The following USP43 variants were observed in gnomAD, a reference collection of about 807,000 sequenced individuals.
The protein encoded by USP43 is ubiquitin specific peptidase 43.
Under a neutral mutation model 90.7 loss-of-function variants are expected in USP43, and 33 were observed. The observed-to-expected ratio is 0.36, with a 90% CI of 0.28 to 0.49. USP43 has a LOEUF of 0.49. Among genes scored for constraint, USP43 ranks in the 20% least tolerant of loss-of-function variants. The pLI, the probability that USP43 is intolerant of heterozygous loss-of-function variation, is 0.98. For synonymous variants in USP43, 598 were observed against 615.8 expected (o/e 0.97, Z 0.43); for missense variants, 1,274 against 1,476.4 (o/e 0.86, Z 2.25).
chr17:9,645,566 G>A lies in USP43; in HGVS notation c.-67G>A. 2 of 1,162,846 alleles carry A rather than the reference G, an allele frequency of 1.7e-6. No homozygotes were observed. Among genetic ancestry groups the A allele is most frequent in the Non-Finnish European group, 2.1e-6 (2 of 943,776 alleles). The allele number at this position is 1,162,846 out of a possible 1,614,324, so 72.0% of individuals were successfully genotyped here. A position where few individuals can be genotyped will look rare whatever the true frequency, so the allele number is the denominator to read the frequency against. On this transcript the variant is annotated 5_prime_UTR_variant, in exon 1 of 15. Transcript: ENST00000285199. The surrounding 1 kb of genome is among the most constrained non-coding windows in gnomAD (Gnocchi z 6.8). Reference sequence around the variant, plus strand: ...ACCAGGAGCCTTAGAGAAGCTGTAGGGCCTGCTGGCCGCTCGTCCGCCTCG... The same window carrying A: ...ACCAGGAGCCTTAGAGAAGCTGTAGAGCCTGCTGGCCGCTCGTCCGCCTCG...
intron 1 of USP43, among the ~76,000 whole-genome samples, chr17:9,655,979 A>C (rs2151963544): frequency 6.6e-6 from 1 of 152,316 alleles, no homozygotes; most frequent in South Asian, 2.1e-4. Context: ...TAGGGCTAGA[A>C]GGCTGTTCAC....
Position 9,689,863 on chromosome 17 carries a change from G to A in USP43, c.1353+2954G>A, listed in dbSNP as rs187086610. ...CAAACAACAAGGCTCCATTAGGGGC[G>A]GAGGAAAAAGAGTCTTCTCCCCCAG... On this transcript the variant is annotated intron_variant, in intron 8 of 14. Transcript: ENST00000285199. 6.2e-4 allele frequency among the ~76,000 whole-genome samples: 94 copies of A among 152,180 alleles called. 1 individual carries two copies. Among genetic ancestry groups the A allele is most frequent in the African/African-American group, 2.0e-3 (82 of 41,514 alleles).
intron 9 of USP43, among the ~76,000 whole-genome samples, chr17:9,696,571 A>G (rs1292359519): frequency 6.6e-6 from 1 of 152,234 alleles, no homozygotes; most frequent in African/African-American, 2.4e-5. Flanking sequence ...GACACTGGTA[A>G]CTAAACACTT....
At chr17:9,652,018 G>A (rs1277644628) in intron 1 of USP43, among the ~76,000 whole-genome samples, 1 of 151,986 alleles carries the variant, frequency 6.6e-6, no homozygotes, top group African/African-American at 2.4e-5. Flanking sequence ...AATAAGAAAT[G>A]TTAAAAATTA....
At position 9,680,244 on chromosome 17, in the gene USP43, A is replaced by C; in HGVS notation, c.983A>C (p.Glu328Ala). The change falls in exon 6 of 15, where the codon GAA becomes GCA. Residue 328 changes from glutamate (E) to alanine (A), a missense_variant. By Grantham distance (107) the Glu-to-Ala change is moderately radical. This residue lies in a region of USP43 where 259 missense variants were observed against 373.7 expected (regional missense o/e 0.69). Transcript: ENST00000285199. Reference sequence around the variant, plus strand: ...TTCTCATTTCAGGTGATCTTGGTTGAACTGTATCCCAGTGGATTCCAGCGG... The same window carrying C: ...TTCTCATTTCAGGTGATCTTGGTTGCACTGTATCCCAGTGGATTCCAGCGG... Reference protein sequence around the residue: ...GVPADEVILVELYPSGFQRSF... With the variant: ...GVPADEVILVALYPSGFQRSF... The C allele has an allele frequency of 6.2e-7, 1 of 1,613,720 alleles. No individual in the cohort carries two copies. The highest frequency in any genetic ancestry group is 8.5e-7 in the Non-Finnish European group (1 of 1,179,756).
intron 14 of USP43, among the ~76,000 whole-genome samples, chr17:9,720,696 C>T (rs1226367080): frequency 6.6e-6 from 1 of 152,152 alleles, no homozygotes; most frequent in Non-Finnish European, 1.5e-5. Flanking sequence ...CTGTGTTGGT[C>T]AGGCTGGTCT....
chr17:9,645,559 G>T lies in USP43; in HGVS notation c.-74G>T. ...AGCCGGCACCAGGAGCCTTAGAGAA[G>T]CTGTAGGGCCTGCTGGCCGCTCGTC... On this transcript the variant is annotated 5_prime_UTR_variant, in exon 1 of 15. Coordinates refer to ENST00000285199, the MANE Select transcript of USP43 (RefSeq NM_153210.5). The surrounding 1 kb of genome is among the most constrained non-coding windows in gnomAD (Gnocchi z 6.8). The T allele has an allele frequency of 8.7e-7, 1 of 1,155,394 alleles. No individual in the cohort carries two copies. Among genetic ancestry groups the T allele is most frequent in the African/African-American group, 1.6e-5 (1 of 61,738 alleles). 71.6% of individuals were successfully genotyped at this position (1,155,394 alleles called of 1,614,324 possible). A position where few individuals can be genotyped will look rare whatever the true frequency, so the allele number is the denominator to read the frequency against.
intron 9 of USP43, among the ~76,000 whole-genome samples, chr17:9,695,089 G>A (rs530050071): frequency 7.9e-5 from 12 of 151,856 alleles, no homozygotes; most frequent in East Asian, 1.9e-4. Context: ...CTCCTGGCCC[G>A]CACCTTCCAT....
intron 14 of USP43, among the ~76,000 whole-genome samples, chr17:9,720,788 G>A (rs533510003): frequency 3.3e-5 from 5 of 152,054 alleles, no homozygotes; most frequent in East Asian, 1.9e-4. Context: ...ACGCCCAGCC[G>A]GGTTTTTTTG....
chr17:9,667,615 G>C (rs114490420), intron 3 of USP43, among the ~76,000 whole-genome samples: 8 of 152,156 alleles, frequency 5.3e-5, no homozygotes, highest in Non-Finnish European at 8.8e-5. Flanking sequence ...TGTGCCTTTT[G>C]TTGGCCTCTG....
At chr17:9,699,868 G>A (rs1309215461) in intron 9 of USP43, among the ~76,000 whole-genome samples, 1 of 152,186 alleles carries the variant, frequency 6.6e-6, no homozygotes, top group African/African-American at 2.4e-5. Context: ...TATAGACATT[G>A]AGAAGGTAGC....
chr17:9,646,725 G>A (rs1880267474), intron 1 of USP43, among the ~76,000 whole-genome samples: 1 of 152,192 alleles, frequency 6.6e-6, no homozygotes, highest in African/African-American at 2.4e-5. Flanking sequence ...GACCTAGGAG[G>A]CAACGGTAAA....
At chr17:9,687,497 G>C (rs1461058040) in intron 8 of USP43, among the ~76,000 whole-genome samples, 2 of 152,158 alleles carry the variant, frequency 1.3e-5, no homozygotes, top group African/African-American at 2.4e-5. Context: ...TTTATTCTCA[G>C]ATTGGTAGTT....
At chr17:9,671,261 G>A (rs1407023249) in intron 3 of USP43, among the ~76,000 whole-genome samples, 1 of 150,816 alleles carries the variant, frequency 6.6e-6, no homozygotes, top group Non-Finnish European at 1.5e-5. Context: ...CTATGTTGGA[G>A]TTTTGGCTGG....
chr17:9,729,005 A>G lies in USP43; in HGVS notation c.*15A>G. Reference sequence around the variant, plus strand: ...CCAGCTTTTGATGGAGCGTGTCAGTATTGTGTGACGCTGGCATTCTTGGGA... The same window carrying G: ...CCAGCTTTTGATGGAGCGTGTCAGTGTTGTGTGACGCTGGCATTCTTGGGA... On this transcript the variant is annotated 3_prime_UTR_variant, in exon 15 of 15. Coordinates refer to ENST00000285199, the MANE Select transcript of USP43 (RefSeq NM_153210.5). The G allele has an allele frequency of 1.3e-6, 2 of 1,522,786 alleles. No individual in the cohort carries two copies. Among genetic ancestry groups the G allele is most frequent in the Non-Finnish European group, 1.8e-6 (2 of 1,131,832 alleles). The allele number at this position is 1,522,786 out of a possible 1,614,324, so 94.3% of individuals were successfully genotyped here.
rs1915594990 is a variant in USP43 at position 9,701,840 on chromosome 17, T to C, written c.2011+140T>C. 1.4e-6 allele frequency: 1 copy of C among 724,720 alleles called. No homozygotes were observed. The highest frequency in any genetic ancestry group is 3.1e-5 in the Admixed American group (1 of 32,566). The allele number at this position is 724,720 out of a possible 1,614,324, so 44.9% of individuals were successfully genotyped here. On this transcript the variant is annotated intron_variant, in intron 12 of 14. Coordinates refer to ENST00000285199, the MANE Select transcript of USP43 (RefSeq NM_153210.5). The surrounding 1 kb of genome is among the most constrained non-coding windows in gnomAD (Gnocchi z 7.2). The stretch of plus-strand genomic sequence containing the variant: ...CCTCACCCACCGCACACCAGGAAGA[T>C]GAGGATGAGGAAAACAAAGATGAAT...
At chr17:9,696,907 C>CT (rs1915301305) in intron 9 of USP43, among the ~76,000 whole-genome samples, 1 of 152,206 alleles carries the variant, frequency 6.6e-6, no homozygotes, top group Non-Finnish European at 1.5e-5. Context: ...CCCTGGCTGA[C>CT]TTTTTTAAGA....
At chr17:9,693,838 A>AAAAAAC (rs901600689) in intron 9 of USP43, among the ~76,000 whole-genome samples, 2 of 152,196 alleles carry the variant, frequency 1.3e-5, no homozygotes, top group Admixed American at 6.5e-5. Context: ...ACTCCATCTC[A>AAAAAAC]AAAAACAAAA....
At position 9,657,908 on chromosome 17, in the gene USP43, G is replaced by A. The variant is rs58256583; in HGVS notation, c.636+1374G>A. Among the ~76,000 whole-genome samples the A allele has an allele frequency of 2.5e-3, 364 of 147,314 alleles. 2 individuals carry two copies. Among genetic ancestry groups the A allele is most frequent in the Middle Eastern group, 0.01 (3 of 288 alleles). ...TAACAACATCTGTGAATAATCTGCT[G>A]TAATAGAAGAGAAGTTTCATGAGCT... On this transcript the variant is annotated intron_variant, in intron 2 of 14. Coordinates refer to ENST00000285199, the MANE Select transcript of USP43 (RefSeq NM_153210.5).
Sources: gnomAD v4.1 joint callset for allele counts (sites outside exome capture counted in the v4.1 genomes callset) on GRCh38, gnomAD v4.1.1 for gene constraint, gnomAD v4.1.1 regional missense constraint, Gnocchi (gnomAD v3.1) non-coding constraint, MANE v1.5 for transcripts, NCBI Gene and HGNC (gene_info 2026-07-23, HGNC 2026-07-21) for gene names.